SCRN1: variants seen among roughly 807,000 people sequenced by gnomAD.
SCRN1 encodes the protein secernin-1.
A neutral mutation model predicts 43.3 loss-of-function variants in SCRN1; 19 were observed. That is an observed-to-expected ratio of 0.44 (90% CI 0.31 to 0.64). The LOEUF is 0.64. Among genes scored for constraint, SCRN1 ranks in the 30% least tolerant of loss-of-function variants. SCRN1 has a pLI of 0.09. For missense variants in SCRN1, 447 were observed against 524.1 expected (o/e 0.85, Z 1.44); for synonymous variants, 183 against 188.9 (o/e 0.97, Z 0.26).
intron 1 of SCRN1, among the ~76,000 whole-genome samples, chr7:29,976,189 T>C (rs1788832001): frequency 6.6e-6 from 1 of 152,226 alleles, no homozygotes. Flanking sequence ...TTTTCTGAGA[T>C]GATAGAAATA....
intron 3 of SCRN1, among the ~76,000 whole-genome samples, chr7:29,954,027 C>A (rs1437120462): frequency 6.6e-6 from 1 of 152,112 alleles, no homozygotes; most frequent in African/African-American, 2.4e-5. Flanking sequence ...TTCACTATTT[C>A]AGGGACAAAA....
At chr7:29,929,329 C>T (rs1024393497) in intron 6 of SCRN1, among the ~76,000 whole-genome samples, 1 of 152,366 alleles carries the variant, frequency 6.6e-6, no homozygotes, top group Admixed American at 6.5e-5. Flanking sequence ...CAACACCTGG[C>T]AGGCAAGGGA....
rs6958587 is a variant in SCRN1, at chr7:29,923,047, T to C, written c.*910A>G. 0.43 allele frequency: 52,620 copies of C among 123,370 alleles called. 9,352 individuals carry two copies. The highest frequency in any genetic ancestry group is 0.5 in the South Asian group (1,460 of 2,934). 7.6% of individuals were successfully genotyped at this position (123,370 alleles called of 1,614,324 possible). On this transcript the variant is annotated 3_prime_UTR_variant, in exon 8 of 8. Transcript: ENST00000242059. ...TTCCCTCCTTGGCTGAGAGATTCAC[T>C]ACTCTGTGGGTGGAACTGTGCCATA...
intron 5 of SCRN1, 53 bp from the exon 6 acceptor site, chr7:29,936,774 C>T (rs746221868): frequency 2.6e-5 from 37 of 1,397,926 alleles, no homozygotes; most frequent in Non-Finnish European, 3.5e-5. Flanking sequence ...AGGCCGGGCG[C>T]GGTGGCTCAC....
chr7:29,979,362 CAAAAAG>C (rs1788932456), intron 1 of SCRN1, among the ~76,000 whole-genome samples: 1 of 151,394 alleles, frequency 6.6e-6, no homozygotes, highest in South Asian at 2.1e-4. Flanking sequence ...GATTCCATCT[CAAAAAG>C]AAAAAGAAAA....
At chr7:29,941,419 A>C (rs1583661506) in intron 4 of SCRN1, among the ~76,000 whole-genome samples, 1 of 152,200 alleles carries the variant, frequency 6.6e-6, no homozygotes, top group Admixed American at 6.5e-5. Context: ...AATACAAATC[A>C]AATACTTCAT....
At chr7:29,973,528 G>A (rs1788724423) in intron 1 of SCRN1, among the ~76,000 whole-genome samples, 1 of 152,204 alleles carries the variant, frequency 6.6e-6, no homozygotes, top group Non-Finnish European at 1.5e-5. Context: ...ATGCAACTGA[G>A]GACAGGGAAA....
intron 2 of SCRN1, among the ~76,000 whole-genome samples, chr7:29,962,673 G>A (rs1357152896): frequency 2.0e-5 from 3 of 151,888 alleles, no homozygotes; most frequent in Admixed American, 6.6e-5. Flanking sequence ...GGGTGACAGA[G>A]TGAGACTGTC....
chr7:29,989,384 G>A lies in SCRN1; in HGVS notation c.-2+258C>T, dbSNP rs1057091273. On this transcript the variant is annotated intron_variant, in intron 1 of 7. Transcript: ENST00000242059. ...CCCGGCTGCGGTGCGGGAGCCCGGG[G>A]CCGGCATCCCTCCACTGCACCCCCG... Among the ~76,000 whole-genome samples the A allele has an allele frequency of 3.3e-5, 5 of 152,220 alleles. No homozygotes were observed. In the East Asian group the frequency reaches 7.8e-4, roughly 24 times the overall value.
chr7:29,959,774 G>A (rs1382539101), intron 2 of SCRN1, among the ~76,000 whole-genome samples: 1 of 152,018 alleles, frequency 6.6e-6, no homozygotes. Flanking sequence ...ACAATGCAAA[G>A]GTCTGAGATC....
intron 3 of SCRN1, among the ~76,000 whole-genome samples, chr7:29,944,906 A>G (rs1787683412): frequency 6.6e-6 from 1 of 152,000 alleles, no homozygotes; most frequent in Admixed American, 6.5e-5. Flanking sequence ...CCTGGGCAAA[A>G]GGAAACCAAG....
intron 2 of SCRN1, among the ~76,000 whole-genome samples, chr7:29,960,569 T>A (rs531578690): frequency 2.0e-5 from 3 of 152,304 alleles, no homozygotes; most frequent in Admixed American, 6.5e-5. Flanking sequence ...GGACACCAAG[T>A]ATAAGTAATG....
Position 29,950,954 on chromosome 7 carries a change from G to A in SCRN1, c.341+4225C>T, listed in dbSNP as rs750792150. Reference sequence around the variant, plus strand: ...AACATGGGACAAGAGCTTGGGACCCGCCAAATGGTGGGACTGAAAGAGCTA... The same window carrying A: ...AACATGGGACAAGAGCTTGGGACCCACCAAATGGTGGGACTGAAAGAGCTA... On this transcript the variant is annotated intron_variant, in intron 3 of 7. Transcript: ENST00000242059. The surrounding 1 kb of genome is among the most constrained non-coding windows in gnomAD (Gnocchi z 4.5). Among the ~76,000 whole-genome samples, 28 of 152,208 alleles carry A rather than the reference G, an allele frequency of 1.8e-4. No individual in the cohort carries two copies. The highest frequency in any genetic ancestry group is 3.9e-4 in the East Asian group (2 of 5,184).
At chr7:29,947,590 T>C (rs1398768605) in intron 3 of SCRN1, among the ~76,000 whole-genome samples, 5 of 152,206 alleles carry the variant, frequency 3.3e-5, no homozygotes, top group Non-Finnish European at 1.5e-5. Flanking sequence ...CTCCCCACAA[T>C]CAAGCAGTCT....
intron 1 of SCRN1, chr7:29,970,084 C>G: frequency 3.1e-6 from 1 of 323,256 alleles, no homozygotes; most frequent in South Asian, 2.6e-5. Flanking sequence ...TGCTCCAAAA[C>G]CTCTATCACT....
At position 29,924,624 on chromosome 7, in the gene SCRN1, C is replaced by T. The variant is rs150706852; in HGVS notation, c.1087-509G>A. Among the ~76,000 whole-genome samples, 6 of 152,348 alleles carry T rather than the reference C, an allele frequency of 3.9e-5. No individual in the cohort carries two copies. The East Asian group carries it at 1.2e-3, about 29-fold the overall frequency. The stretch of plus-strand genomic sequence containing the variant: ...GGCGCTGTCTCCCACCTTGTGCTGG[C>T]TTGCCTCTGCAGCTGTGGCCCCTTG... On this transcript the variant is annotated intron_variant, in intron 7 of 7. Transcript: ENST00000242059.
chr7:29,946,253 C>A (rs1011664207), intron 3 of SCRN1, among the ~76,000 whole-genome samples: 1 of 152,222 alleles, frequency 6.6e-6, no homozygotes, highest in African/African-American at 2.4e-5. Context: ...GTCATCTTCT[C>A]CAAAGAGAAG....
intron 1 of SCRN1, among the ~76,000 whole-genome samples, chr7:29,970,297 C>G (rs113201077): frequency 3.3e-5 from 5 of 152,282 alleles, no homozygotes; most frequent in African/African-American, 1.2e-4. Flanking sequence ...GGCACACAGG[C>G]CTTTTTCTAG....
chr7:29,943,048 C>T (rs902388243), intron 4 of SCRN1, among the ~76,000 whole-genome samples: 1 of 152,202 alleles, frequency 6.6e-6, no homozygotes, highest in African/African-American at 2.4e-5. Flanking sequence ...CAAGTTTCAT[C>T]CCCAACATCA....
Sources: allele counts gnomAD v4.1 joint callset (sites outside exome capture counted in the v4.1 genomes callset), GRCh38; gene constraint gnomAD v4.1.1; non-coding constraint Gnocchi (gnomAD v3.1); transcripts MANE v1.5; gene names NCBI Gene and HGNC (gene_info 2026-07-23, HGNC 2026-07-21).